XRN2: variants seen among roughly 807,000 people sequenced by gnomAD.
XRN2 encodes DHM1-like protein.
A neutral mutation model predicts 138.5 loss-of-function variants in XRN2; 44 were observed. The observed-to-expected ratio is 0.32, with a 90% CI of 0.25 to 0.41. The LOEUF is 0.41. XRN2 is among the 10% of genes least tolerant of loss of function. The pLI, the probability that XRN2 is intolerant of heterozygous loss-of-function variation, is 1.00. For missense variants in XRN2, 937 were observed against 1,169.3 expected (o/e 0.80, Z 2.90); for synonymous variants, 354 against 369.4 (o/e 0.96, Z 0.48).
At chr20:21,374,861 C>T (rs2038800977) in intron 27 of XRN2, among the ~76,000 whole-genome samples, 1 of 151,710 alleles carries the variant, frequency 6.6e-6, no homozygotes, top group Admixed American at 6.6e-5. Context: ...GTTAGATTGT[C>T]GTCATTTCTT....
rs1262449727 is a variant in XRN2 at position 21,303,442 on chromosome 20, C to G, written c.44C>G (p.Pro15Arg). The change falls in exon 1 of 30, where the codon CCG becomes CGG. Residue 15 changes from proline to arginine, a missense_variant. Coordinates refer to ENST00000377191, the MANE Select transcript of XRN2 (RefSeq NM_012255.5). ...TTCCGCTGGCTCAGCCGCAAGTACCCGTCCATCATAGTCAACTGCGTGGAA... is the reference window on the plus strand; with the variant it reads ...TTCCGCTGGCTCAGCCGCAAGTACCGGTCCATCATAGTCAACTGCGTGGAA... ...AFFRWLSRKY[P>R]SIIVNCVEEK... 5.2e-6 allele frequency: 8 copies of G among 1,548,184 alleles called. No homozygotes were observed. In the Admixed American group the frequency reaches 9.8e-5, roughly 19 times the overall value.
At position 21,348,544 on chromosome 20, in the gene XRN2, A is replaced by G. The variant is rs374641289; in HGVS notation, c.1863+114A>G. ...TAAAACAGTGAAGTACAGAAACAGT[A>G]TGTTTTTTACTCCAAACACACATAT... is the stretch of plus-strand genomic sequence containing the variant. On this transcript the variant is annotated intron_variant, in intron 19 of 29. Coordinates refer to ENST00000377191, the MANE Select transcript of XRN2 (RefSeq NM_012255.5). 4.1e-5 allele frequency: 39 copies of G among 952,894 alleles called. No individual in the cohort carries two copies. The East Asian group carries it at 6.4e-4, about 16-fold the overall frequency. The allele number at this position is 952,894 out of a possible 1,614,324, so 59.0% of individuals were successfully genotyped here.
chr20:21,364,775 C>T (rs539239366), intron 24 of XRN2, among the ~76,000 whole-genome samples: 170 of 148,468 alleles, frequency 1.1e-3, no homozygotes, highest in African/African-American at 4.1e-3. Flanking sequence ...CACTGCACTC[C>T]AGCCTGGGCA....
chr20:21,362,990 A>G (rs2038654484), intron 24 of XRN2, among the ~76,000 whole-genome samples: 1 of 151,990 alleles, frequency 6.6e-6, no homozygotes, highest in Admixed American at 6.5e-5. Context: ...GACCCTTTCC[A>G]TATCTTTGTT....
chr20:21,324,626 C>G (rs917204688), intron 1 of XRN2, among the ~76,000 whole-genome samples: 3 of 151,800 alleles, frequency 2.0e-5, no homozygotes, highest in African/African-American at 4.8e-5. Flanking sequence ...TTCCTTTCCT[C>G]TAAGTTGATC....
chr20:21,375,997 C>T (rs2122341974), intron 27 of XRN2, among the ~76,000 whole-genome samples: 1 of 152,186 alleles, frequency 6.6e-6, no homozygotes, highest in East Asian at 1.9e-4. Flanking sequence ...CGCCACTACA[C>T]TCGGCTAATT....
intron 27 of XRN2, among the ~76,000 whole-genome samples, chr20:21,377,264 C>CTGTTTTTTTTTTTT (rs2038833636): frequency 1.2e-5 from 1 of 82,782 alleles, no homozygotes; most frequent in Non-Finnish European, 2.1e-5. Context: ...TCGGTTTTTT[C>CTGTTTTTTTTTTTT]TTTTTTTTTT....
At chr20:21,329,700 T>TAGTG (rs2038176453) in intron 4 of XRN2, among the ~76,000 whole-genome samples, 1 of 149,362 alleles carries the variant, frequency 6.7e-6, no homozygotes. Context: ...AAGCAGCTAA[T>TAGTG]AGTGATAGAG....
Position 21,357,729 on chromosome 20 carries a change from C to T in XRN2, c.2199-7C>T. 1 of 1,586,662 alleles carries T rather than the reference C, an allele frequency of 6.3e-7. No homozygotes were observed. Among genetic ancestry groups the T allele is most frequent in the Non-Finnish European group, 8.6e-7 (1 of 1,167,606 alleles). On this transcript the variant is annotated splice_region_variant and splice_polypyrimidine_tract_variant and intron_variant, in intron 23 of 29. Transcript: ENST00000377191. The stretch of plus-strand genomic sequence containing the variant: ...AGAGAGATGTTTCTTCTCTTGTTTC[C>T]TTCTAGAATAGTATGTTCTCCTGTT...
chr20:21,371,667 C>T (rs6035860), intron 27 of XRN2, among the ~76,000 whole-genome samples: 103,076 of 152,164 alleles, frequency 0.68, 35,646 homozygotes, highest in South Asian at 0.84. Context: ...CCAGCTGTTA[C>T]TGACACATTC....
At chr20:21,381,950 T>C in intron 27 of XRN2, 44 bp from the exon 28 acceptor site, 1 of 1,532,560 alleles carries the variant, frequency 6.5e-7, no homozygotes, top group Non-Finnish European at 8.8e-7. Context: ...TGAATATTGG[T>C]TACTTTTAAA....
chr20:21,365,556 T>G lies in XRN2; in HGVS notation c.2325-17T>G, dbSNP rs1025465999. On this transcript the variant is annotated splice_polypyrimidine_tract_variant and intron_variant, in intron 25 of 29. Coordinates refer to ENST00000377191, the MANE Select transcript of XRN2 (RefSeq NM_012255.5). The stretch of plus-strand genomic sequence containing the variant: ...TTTTCATCCCTATTACTAAGTGTTG[T>G]CTTTTTAAATGGTCAGAAAGCCAGC... The G allele has an allele frequency of 6.2e-7, 1 of 1,613,518 alleles. No individual in the cohort carries two copies. The highest frequency in any genetic ancestry group is 8.5e-7 in the Non-Finnish European group (1 of 1,179,878).
At chr20:21,380,019 C>T (rs2038865728) in intron 27 of XRN2, among the ~76,000 whole-genome samples, 1 of 152,084 alleles carries the variant, frequency 6.6e-6, no homozygotes, top group Admixed American at 6.6e-5. Flanking sequence ...ACTGTGGAAG[C>T]TTTCGTAAGT....
chr20:21,374,314 G>GT (rs1219409099), intron 27 of XRN2, among the ~76,000 whole-genome samples: 1 of 151,804 alleles, frequency 6.6e-6, no homozygotes, highest in Non-Finnish European at 1.5e-5. Context: ...TTTTTTGTTT[G>GT]TTTTTTGTTT....
intron 27 of XRN2, among the ~76,000 whole-genome samples, chr20:21,369,224 A>G (rs895188716): frequency 4.6e-5 from 7 of 152,154 alleles, no homozygotes; most frequent in Non-Finnish European, 8.8e-5. Flanking sequence ...TTCCATCCAC[A>G]TTGTTACAGG....
In XRN2 at chr20:21,386,861, C is replaced by G; in HGVS notation, c.2649-7C>G. On this transcript the variant is annotated splice_polypyrimidine_tract_variant and splice_region_variant and intron_variant, in intron 28 of 29. Transcript: ENST00000377191. ...GCTTCTGATGTAAAACTGGTACTTT[C>G]CTACAGAGGCGTTGGGGCTGAACCT... is the stretch of plus-strand genomic sequence containing the variant. 1 of 1,607,352 alleles carries G rather than the reference C, an allele frequency of 6.2e-7. No homozygotes were observed. Among genetic ancestry groups the G allele is most frequent in the Admixed American group, 1.7e-5 (1 of 59,854 alleles).
chr20:21,339,136 A>G (rs747834881), intron 14 of XRN2, 48 bp downstream of exon 14: 3 of 1,546,990 alleles, frequency 1.9e-6, no homozygotes, highest in East Asian at 2.3e-5. Context: ...TAATTTTACA[A>G]TTTATGAGGA....
chr20:21,344,993 A>C (rs1282859375), intron 16 of XRN2, among the ~76,000 whole-genome samples: 1 of 152,232 alleles, frequency 6.6e-6, no homozygotes, highest in Non-Finnish European at 1.5e-5. Context: ...CAGGACATGG[A>C]AAGTGTGTGA....
chr20:21,341,266 A>C (rs904898758), intron 15 of XRN2, among the ~76,000 whole-genome samples: 5 of 152,184 alleles, frequency 3.3e-5, no homozygotes, highest in African/African-American at 1.2e-4. Flanking sequence ...AGGCAAGAGG[A>C]GGAGGATGGG....
Sources: allele counts gnomAD v4.1 joint callset (sites outside exome capture counted in the v4.1 genomes callset), GRCh38; gene constraint gnomAD v4.1.1; transcripts MANE v1.5; gene names NCBI Gene and HGNC (gene_info 2026-07-23, HGNC 2026-07-21).